The following UBE2E1 variants were observed in gnomAD, a reference collection of about 807,000 sequenced individuals.
The protein encoded by UBE2E1 is ubiquitin conjugating enzyme E2 E1, also known as ubiquitin-conjugating enzyme E2 E1.
UBE2E1 carries 6 observed loss-of-function variants against 21.4 expected under a neutral mutation model. The observed-to-expected ratio is 0.28, with a 90% CI of 0.15 to 0.55. UBE2E1 has a LOEUF of 0.55. Ranked by LOEUF, UBE2E1 falls within the 20% of genes least tolerant of loss-of-function variation. UBE2E1 has a pLI of 0.93. For synonymous variants in UBE2E1, 87 were observed against 82.7 expected (o/e 1.05, Z -0.28); for missense variants, 142 against 236.5 (o/e 0.60, Z 2.62).
chr3:23,881,968 T>G (rs1701053759), intron 3 of UBE2E1, among the ~76,000 whole-genome samples: 1 of 152,178 alleles, frequency 6.6e-6, no homozygotes, highest in Non-Finnish European at 1.5e-5. Context: ...TGTTTATTCC[T>G]TCTGGTGGGT....
chr3:23,810,727 A>G lies in UBE2E1; in HGVS notation c.153-733A>G, dbSNP rs1470517110. 2 of 419,074 alleles carry G rather than the reference A, an allele frequency of 4.8e-6. No homozygotes were observed. The highest frequency in any genetic ancestry group is 8.2e-6 in the Non-Finnish European group (2 of 242,940). The allele number at this position is 419,074 out of a possible 1,614,324, so 26.0% of individuals were successfully genotyped here. ...GAGGAGAGCTGGGGCGGCGCGGAGC[A>G]GCCCCCGTGCGGGCACCCTGTTCCC... On this transcript the variant is annotated intron_variant, in intron 2 of 5. Transcript: ENST00000306627. The surrounding 1 kb of genome is among the most constrained non-coding windows in gnomAD (Gnocchi z 5.8).
At chr3:23,840,959 G>A (rs1219504960) in intron 3 of UBE2E1, among the ~76,000 whole-genome samples, 2 of 152,120 alleles carry the variant, frequency 1.3e-5, no homozygotes, top group Non-Finnish European at 2.9e-5. Flanking sequence ...CAGTTTTTTT[G>A]TTGTTTAAGT....
chr3:23,858,327 ATT>A (rs1700482624), intron 3 of UBE2E1, among the ~76,000 whole-genome samples: 1 of 151,688 alleles, frequency 6.6e-6, no homozygotes, highest in Non-Finnish European at 1.5e-5. Flanking sequence ...GAAGTTTATT[ATT>A]TGTTTTTTGA....
intron 3 of UBE2E1, among the ~76,000 whole-genome samples, chr3:23,815,323 C>G (rs1699492381): frequency 6.6e-6 from 1 of 152,270 alleles, no homozygotes; most frequent in Non-Finnish European, 1.5e-5. Context: ...TTCCATTTAG[C>G]CTTCTTTTGA....
chr3:23,866,269 G>A (rs1200659884), intron 3 of UBE2E1: 1 of 152,532 alleles, frequency 6.6e-6, no homozygotes, highest in Non-Finnish European at 1.5e-5. Context: ...AGTGGAGAGG[G>A]AGGGAACAAA....
At chr3:23,860,019 G>C (rs558988943) in intron 3 of UBE2E1, among the ~76,000 whole-genome samples, 1 of 152,292 alleles carries the variant, frequency 6.6e-6, no homozygotes, top group African/African-American at 2.4e-5. Context: ...ACCACGTCCT[G>C]TGTGCAGGTT....
At chr3:23,874,782 G>T (rs1700880552) in intron 3 of UBE2E1, among the ~76,000 whole-genome samples, 1 of 152,148 alleles carries the variant, frequency 6.6e-6, no homozygotes, top group African/African-American at 2.4e-5. Flanking sequence ...GAGGAAAATG[G>T]CTTTCAAGAC....
intron 3 of UBE2E1, among the ~76,000 whole-genome samples, chr3:23,829,822 G>C (rs1280074602): frequency 6.6e-6 from 1 of 152,194 alleles, no homozygotes; most frequent in East Asian, 1.9e-4. Context: ...GCAGATAAAA[G>C]GAGAAAGCCT....
At chr3:23,829,180 AGAG>A (rs1699815661) in intron 3 of UBE2E1, among the ~76,000 whole-genome samples, 3 of 150,616 alleles carry the variant, frequency 2.0e-5, no homozygotes, top group Admixed American at 1.3e-4. Context: ...AAAAAAAAAA[AGAG>A]AGGGCCTCGC....
chr3:23,821,784 G>T (rs745465149), intron 3 of UBE2E1, among the ~76,000 whole-genome samples: 3 of 152,190 alleles, frequency 2.0e-5, no homozygotes, highest in Non-Finnish European at 4.4e-5. Flanking sequence ...TGGGTGGCAG[G>T]GGAGATGAGG....
intron 3 of UBE2E1, among the ~76,000 whole-genome samples, chr3:23,832,398 A>G (rs1156557399): frequency 6.6e-6 from 1 of 152,212 alleles, no homozygotes; most frequent in Non-Finnish European, 1.5e-5. Flanking sequence ...TAATCCCAGC[A>G]CTTTGGGAGG....
chr3:23,873,466 G>A (rs957286812), intron 3 of UBE2E1, among the ~76,000 whole-genome samples: 1 of 152,264 alleles, frequency 6.6e-6, no homozygotes, highest in South Asian at 2.1e-4. Flanking sequence ...GAATTAGGCA[G>A]TCGGGCGCGG....
intron 3 of UBE2E1, among the ~76,000 whole-genome samples, chr3:23,826,185 G>C (rs1281460977): frequency 6.6e-6 from 1 of 152,118 alleles, no homozygotes; most frequent in Admixed American, 6.5e-5. Context: ...ATTATATCTA[G>C]ATATCTGTGT....
rs984550220 is a variant in UBE2E1 at position 23,810,669 on chromosome 3, C to G, written c.153-791C>G. Reference sequence around the variant, plus strand: ...GGGGTGTTCGCGCCCTGCTTTCGCGCGCGGTCTCGGGCCAAGGTTCTGGGC... The same window carrying G: ...GGGGTGTTCGCGCCCTGCTTTCGCGGGCGGTCTCGGGCCAAGGTTCTGGGC... On this transcript the variant is annotated intron_variant, in intron 2 of 5. Coordinates refer to ENST00000306627, the MANE Select transcript of UBE2E1 (RefSeq NM_003341.5). This position sits in a 1 kb window ranked among gnomAD's most constrained non-coding sequence, Gnocchi z 5.8. The G allele has an allele frequency of 6.3e-6, 5 of 789,678 alleles. No individual in the cohort carries two copies. Among genetic ancestry groups the G allele is most frequent in the Non-Finnish European group, 5.7e-6 (3 of 530,760 alleles). The allele number at this position is 789,678 out of a possible 1,614,324, so 48.9% of individuals were successfully genotyped here.
chr3:23,858,269 G>A (rs1057181111), intron 3 of UBE2E1, among the ~76,000 whole-genome samples: 6 of 152,128 alleles, frequency 3.9e-5, no homozygotes, highest in African/African-American at 1.2e-4. Flanking sequence ...GTTTACTGTC[G>A]TCAGCATTTT....
intron 3 of UBE2E1, among the ~76,000 whole-genome samples, chr3:23,855,061 T>G (rs1407204042): frequency 6.6e-6 from 1 of 152,248 alleles, no homozygotes; most frequent in Non-Finnish European, 1.5e-5. Context: ...GTTTTTCAAC[T>G]TAGAGATTCA....
chr3:23,887,832 A>G lies in UBE2E1; in HGVS notation c.336+133A>G, dbSNP rs1198186899. 1.6e-6 allele frequency: 2 copies of G among 1,248,962 alleles called. No individual in the cohort carries two copies. Among genetic ancestry groups the G allele is most frequent in the Non-Finnish European group, 2.2e-6 (2 of 925,210 alleles). 77.4% of individuals were successfully genotyped at this position (1,248,962 alleles called of 1,614,324 possible). A position where few individuals can be genotyped will look rare whatever the true frequency, so the allele number is the denominator to read the frequency against. ...TCCTAATAGATCTGAGTATTTTAAC[A>G]TATACAAAACACTTCTTTAGGTTGA... On this transcript the variant is annotated intron_variant, in intron 4 of 5. Transcript: ENST00000306627. This position sits in a 1 kb window ranked among gnomAD's most constrained non-coding sequence, Gnocchi z 4.4.
rs1701121690 is a variant in UBE2E1, at chr3:23,884,160, A to G, written c.204-3407A>G. On this transcript the variant is annotated intron_variant, in intron 3 of 5. Transcript: ENST00000306627. ...ACGTTTTTTGTCATTATGTAGTTGT[A>G]CTTGATTTCTTTTCTGTTTTGTCTA... 3.3e-5 allele frequency among the ~76,000 whole-genome samples: 5 copies of G among 152,036 alleles called. No individual in the cohort carries two copies. In the South Asian group the frequency reaches 1.0e-3, roughly 31 times the overall value.
intron 3 of UBE2E1, among the ~76,000 whole-genome samples, chr3:23,867,873 T>C (rs1700693335): frequency 6.6e-6 from 1 of 152,160 alleles, no homozygotes; most frequent in Admixed American, 6.5e-5. Flanking sequence ...AGTGGAAGCT[T>C]TTATCATAAG....
Sources: allele counts gnomAD v4.1 joint callset (sites outside exome capture counted in the v4.1 genomes callset), GRCh38; gene constraint gnomAD v4.1.1; non-coding constraint Gnocchi (gnomAD v3.1); transcripts MANE v1.5; gene names NCBI Gene and HGNC (gene_info 2026-07-23, HGNC 2026-07-21).